The following CLASP2 variants were observed in gnomAD, a reference collection of about 807,000 sequenced individuals.
The protein encoded by CLASP2 is cytoplasmic linker associated protein 2.
A neutral mutation model predicts 194.4 loss-of-function variants in CLASP2; 47 were observed. The observed-to-expected ratio is 0.24, with a 90% CI of 0.19 to 0.31. CLASP2 has a LOEUF of 0.31. Among genes scored for constraint, CLASP2 ranks in the 10% least tolerant of loss-of-function variants. CLASP2 has a pLI of 1.00. For synonymous variants in CLASP2, 619 were observed against 633.5 expected, an observed-to-expected ratio of 0.98 and a Z score of 0.34; for missense variants, 1,445 against 1,823.6, an observed-to-expected ratio of 0.79 and a Z score of 3.78.
chr3:33,586,266 G>A (rs1478054758), intron 21 of CLASP2, among the ~76,000 whole-genome samples: 1 of 151,964 alleles, frequency 6.6e-6, no homozygotes, highest in Non-Finnish European at 1.5e-5. Context: ...TCCTGAGTAG[G>A]TGGGATTATA....
At chr3:33,593,601 C>G (rs1004225372) in intron 20 of CLASP2, among the ~76,000 whole-genome samples, 127 of 152,046 alleles carry the variant, frequency 8.4e-4, no homozygotes, top group Non-Finnish European at 1.5e-3. Flanking sequence ...TGGTAGAATA[C>G]CAGCATACTA....
At chr3:33,638,508 G>A (rs921799328) in intron 8 of CLASP2, among the ~76,000 whole-genome samples, 92 of 152,034 alleles carry the variant, frequency 6.1e-4, no homozygotes, top group African/African-American at 2.1e-3. Flanking sequence ...GGGTTTCACC[G>A]TGTTAGCCAG....
intron 1 of CLASP2, among the ~76,000 whole-genome samples, chr3:33,708,565 TACAC>T (rs1195075964): frequency 1.4e-5 from 2 of 141,380 alleles, no homozygotes; most frequent in Admixed American, 7.1e-5. Flanking sequence ...TATATATACA[TACAC>T]ACACACACAC....
intron 8 of CLASP2, among the ~76,000 whole-genome samples, chr3:33,636,021 A>G (rs2080076881): frequency 6.6e-6 from 1 of 152,236 alleles, no homozygotes; most frequent in South Asian, 2.1e-4. Context: ...CCTGGTAGTT[A>G]GTTGTATAAC....
At chr3:33,624,439 T>G (rs1041865554) in intron 10 of CLASP2, among the ~76,000 whole-genome samples, 2 of 152,058 alleles carry the variant, frequency 1.3e-5, no homozygotes, top group African/African-American at 4.8e-5. Flanking sequence ...AGGATAAAAT[T>G]ACCTGCAACG....
chr3:33,641,562 G>A (rs1210151303), intron 8 of CLASP2, among the ~76,000 whole-genome samples: 1 of 151,640 alleles, frequency 6.6e-6, no homozygotes, highest in Non-Finnish European at 1.5e-5. Flanking sequence ...GCATACGAAG[G>A]CCAAAGAACA....
chr3:33,585,699 A>T (rs1020411773), intron 21 of CLASP2, among the ~76,000 whole-genome samples: 2 of 152,146 alleles, frequency 1.3e-5, no homozygotes, highest in African/African-American at 4.8e-5. Flanking sequence ...CACTGTACCC[A>T]ATACGCAGTC....
At chr3:33,610,625 T>C (rs1473149568) in intron 13 of CLASP2, among the ~76,000 whole-genome samples, 1 of 152,192 alleles carries the variant, frequency 6.6e-6, no homozygotes. Flanking sequence ...GGCTGGACAG[T>C]AAATATTTTA....
intron 1 of CLASP2, among the ~76,000 whole-genome samples, chr3:33,713,757 C>T (rs577518693): frequency 6.6e-6 from 1 of 152,136 alleles, no homozygotes. Context: ...AATCACGGCT[C>T]ACTGCAGTCT....
intron 6 of CLASP2, among the ~76,000 whole-genome samples, chr3:33,677,727 A>C (rs2089027457): frequency 6.6e-6 from 1 of 151,320 alleles, no homozygotes; most frequent in Non-Finnish European, 1.5e-5. Context: ...AAAAATAAAA[A>C]AAAATGTCTA....
At chr3:33,552,486 A>G (rs987675959) in intron 29 of CLASP2, among the ~76,000 whole-genome samples, 1 of 152,164 alleles carries the variant, frequency 6.6e-6, no homozygotes, top group African/African-American at 2.4e-5. Context: ...TATTTGTGGA[A>G]TGGTTATAAT....
At chr3:33,620,261 G>A (rs746303250) in intron 11 of CLASP2, among the ~76,000 whole-genome samples, 3 of 152,062 alleles carry the variant, frequency 2.0e-5, no homozygotes, top group East Asian at 1.9e-4. Context: ...TTCCAAATCC[G>A]CAGTCAAAAA....
chr3:33,653,412 A>C (rs1048939506), intron 7 of CLASP2, among the ~76,000 whole-genome samples: 1 of 152,166 alleles, frequency 6.6e-6, no homozygotes, highest in African/African-American at 2.4e-5. Context: ...TTTTTTCTTC[A>C]CTAAATAAAT....
intron 6 of CLASP2, among the ~76,000 whole-genome samples, chr3:33,677,528 G>A (rs956010026): frequency 7.3e-6 from 1 of 137,198 alleles, no homozygotes; most frequent in Non-Finnish European, 1.5e-5. Context: ...CACAGGAAGG[G>A]GAACATCACA....
At chr3:33,686,135 C>T (rs1433091442) in intron 5 of CLASP2, among the ~76,000 whole-genome samples, 2 of 152,124 alleles carry the variant, frequency 1.3e-5, no homozygotes, top group Admixed American at 6.6e-5. Flanking sequence ...TCTCTGCAAA[C>T]GTCTTCAGAG....
chr3:33,698,946 G>C (rs375542808), intron 1 of CLASP2, among the ~76,000 whole-genome samples: 12 of 152,252 alleles, frequency 7.9e-5, no homozygotes, highest in African/African-American at 2.9e-4. Context: ...AAATAACTGT[G>C]ATTAATGTAG....
At chr3:33,503,614 GAT>G (rs923217432) in intron 37 of CLASP2, 2 of 151,922 alleles carry the variant, frequency 1.3e-5, no homozygotes, top group Non-Finnish European at 2.9e-5. Context: ...TTTTGGTAGA[GAT>G]GGGGTTGCAT....
intron 7 of CLASP2, among the ~76,000 whole-genome samples, chr3:33,650,596 G>C (rs138284037): frequency 7.9e-5 from 12 of 151,976 alleles, no homozygotes; most frequent in African/African-American, 2.9e-4. Context: ...AGAGAAGGAA[G>C]AGATGGAAAT....
At chr3:33,510,019 T>G (rs565214494) in intron 37 of CLASP2, among the ~76,000 whole-genome samples, 6 of 152,192 alleles carry the variant, frequency 3.9e-5, no homozygotes, top group Non-Finnish European at 8.8e-5. Flanking sequence ...GATTAACAAT[T>G]TGTGGCAAAT....
Sources: gnomAD v4.1 joint callset for allele counts (sites outside exome capture counted in the v4.1 genomes callset) on GRCh38, gnomAD v4.1.1 for gene constraint, MANE v1.5 for transcripts, NCBI Gene and HGNC (gene_info 2026-07-23, HGNC 2026-07-21) for gene names.